CPAMD8: variants seen among roughly 807,000 people sequenced by gnomAD.
CPAMD8 encodes C3 and PZP-like alpha-2-macroglobulin domain-containing protein 8.
In CPAMD8, 146 loss-of-function variants were observed where a neutral mutation model predicts 224.7. The ratio of observed to expected loss-of-function variants is 0.65; its 90% CI spans 0.57 to 0.75. CPAMD8 has a LOEUF of 0.75. Among genes scored for constraint, CPAMD8 ranks in the 30% least tolerant of loss-of-function variants. The pLI, the probability that CPAMD8 is intolerant of heterozygous loss-of-function variation, is 0.00. For missense variants in CPAMD8, 2,301 were observed against 2,537.5 expected, an observed-to-expected ratio of 0.91 and a Z score of 2.00; for synonymous variants, 966 against 1,044.6, an observed-to-expected ratio of 0.92 and a Z score of 1.45.
At chr19:16,958,190 A>C (rs2054535231) in intron 18 of CPAMD8, among the ~76,000 whole-genome samples, 2 of 152,156 alleles carry the variant, frequency 1.3e-5, no homozygotes, top group Non-Finnish European at 2.9e-5. Context: ...AATGTGTGTC[A>C]TGGGGGTTTG....
At chr19:16,896,074 G>T in intron 41 of CPAMD8, 102 bp downstream of exon 41, 3 of 1,334,124 alleles carry the variant, frequency 2.2e-6, no homozygotes, top group Non-Finnish European at 3.2e-6. Context: ...TCGGGGCGGG[G>T]CGGAGGAGTC....
At chr19:16,949,152 C>T (rs1194383288) in intron 20 of CPAMD8, among the ~76,000 whole-genome samples, 2 of 151,998 alleles carry the variant, frequency 1.3e-5, no homozygotes, top group South Asian at 2.1e-4. Context: ...AAATGACCAG[C>T]GCTCCCCACT....
intron 13 of CPAMD8, among the ~76,000 whole-genome samples, chr19:16,983,392 C>G (rs1435146662): frequency 7.1e-6 from 1 of 140,446 alleles, no homozygotes; most frequent in East Asian, 2.0e-4. Flanking sequence ...GAGTGAGACT[C>G]CATCTCAAAA....
rs2053522691 is a variant in CPAMD8, at chr19:16,930,758, G to A, written c.2846-1518C>T. ...GTTCCAGAGAGGGGGCTAAGGCTGGGTCTCACACACCCTTGAGCCCTAAGC... is the reference window on the plus strand; with the variant it reads ...GTTCCAGAGAGGGGGCTAAGGCTGGATCTCACACACCCTTGAGCCCTAAGC... On this transcript the variant is annotated intron_variant, in intron 23 of 41. Transcript: ENST00000443236. Among the ~76,000 whole-genome samples, 3 of 152,114 alleles carry A rather than the reference G, an allele frequency of 2.0e-5. No individual in the cohort carries two copies. The South Asian group carries it at 6.2e-4, about 32-fold the overall frequency.
At chr19:16,909,744 CA>C (rs35170485) in intron 29 of CPAMD8, among the ~76,000 whole-genome samples, 35 of 148,742 alleles carry the variant, frequency 2.4e-4, no homozygotes, top group East Asian at 4.0e-4. Flanking sequence ...AACTTCGTCT[CA>C]AAAAAAAAAA....
chr19:17,007,025 A>C (rs1366032677), intron 7 of CPAMD8, among the ~76,000 whole-genome samples: 1 of 152,180 alleles, frequency 6.6e-6, no homozygotes, highest in Non-Finnish European at 1.5e-5. Context: ...CAGACAGGGA[A>C]GATGGAACAG....
chr19:16,967,156 G>A (rs935600643), intron 18 of CPAMD8, among the ~76,000 whole-genome samples: 8 of 152,074 alleles, frequency 5.3e-5, no homozygotes, highest in Non-Finnish European at 7.4e-5. Context: ...ATACTATGCA[G>A]CCATAAAAAA....
In CPAMD8 at chr19:16,993,473, T is replaced by G. The variant is rs2056025218; in HGVS notation, c.1209A>C (p.Gly403=). 1.2e-6 allele frequency: 2 copies of G among 1,614,004 alleles called. No homozygotes were observed. Among genetic ancestry groups the G allele is most frequent in the Non-Finnish European group, 8.5e-7 (1 of 1,179,912 alleles). The change falls in exon 12 of 42, where the codon GGA becomes GGC. Residue 403 remains glycine (G), a synonymous_variant. Transcript: ENST00000443236. ...IYTSEVVSQR[G]LVGFEIPSIP... is the part of the protein sequence containing the mutation. The stretch of plus-strand genomic sequence containing the variant: ...TGGAGGGGATTTCAAACCCCACTAG[T>G]CCACGCTGGGACACAACTTCACTGG...
intron 23 of CPAMD8, among the ~76,000 whole-genome samples, chr19:16,936,985 CTCCTTCCT>C (rs201574366): frequency 6.6e-6 from 1 of 150,808 alleles, no homozygotes; most frequent in African/African-American, 2.4e-5. Context: ...TCTTTTCTTT[CTCCTTCCT>C]TCCTTCCTTC....
At chr19:16,963,089 T>G (rs933844658) in intron 18 of CPAMD8, among the ~76,000 whole-genome samples, 2 of 152,192 alleles carry the variant, frequency 1.3e-5, no homozygotes, top group African/African-American at 4.8e-5. Flanking sequence ...TGCAAAAATA[T>G]GCCAGATTGT....
At chr19:17,014,679 G>C (rs1200419280) in intron 3 of CPAMD8, among the ~76,000 whole-genome samples, 1 of 152,146 alleles carries the variant, frequency 6.6e-6, no homozygotes, top group Non-Finnish European at 1.5e-5. Context: ...GCTCTTGTGA[G>C]ACTTATTCAT....
At chr19:16,943,004 CTTT>C (rs1324758997) in intron 22 of CPAMD8, among the ~76,000 whole-genome samples, 2 of 134,226 alleles carry the variant, frequency 1.5e-5, no homozygotes. Flanking sequence ...TTTCTTTTTT[CTTT>C]TTTCTTTTTT....
rs187889376 is a variant in CPAMD8, at chr19:17,024,663, C to T, written c.92+1888G>A. On this transcript the variant is annotated intron_variant, in intron 1 of 41. Coordinates refer to ENST00000443236, the MANE Select transcript of CPAMD8 (RefSeq NM_015692.5). ...GACATCACCAAATTAAGTTTCCCTG[C>T]CATTCAGAAGTTGCAGCTGTTTCCA... Among the ~76,000 whole-genome samples the T allele has an allele frequency of 3.7e-4, 57 of 152,316 alleles. No individual in the cohort carries two copies. In the East Asian group the frequency reaches 0.011, roughly 29 times the overall value.
At chr19:16,893,809 G>A (rs572854044) in intron 41 of CPAMD8, 35 of 161,178 alleles carry the variant, frequency 2.2e-4, no homozygotes, top group Non-Finnish European at 4.0e-4. Context: ...CTGCTTCCCC[G>A]CAGGGCCTTG....
At chr19:16,953,075 G>A (rs778627624) in intron 19 of CPAMD8, among the ~76,000 whole-genome samples, 5 of 152,102 alleles carry the variant, frequency 3.3e-5, no homozygotes, top group Non-Finnish European at 7.4e-5. Flanking sequence ...TGACGACACA[G>A]ATAAATGATT....
chr19:16,922,199 G>A (rs1264190473), intron 26 of CPAMD8, among the ~76,000 whole-genome samples: 4 of 152,018 alleles, frequency 2.6e-5, no homozygotes, highest in Non-Finnish European at 5.9e-5. Context: ...ACCACATGTG[G>A]GGTTCTTGAA....
chr19:16,929,542 C>T (rs181959456), intron 23 of CPAMD8, among the ~76,000 whole-genome samples: 1 of 152,190 alleles, frequency 6.6e-6, no homozygotes, highest in Non-Finnish European at 1.5e-5. Flanking sequence ...CTTATCTCTA[C>T]AAAAATGTTT....
intron 32 of CPAMD8, 107 bp downstream of exon 32, chr19:16,904,119 G>T: frequency 1.6e-6 from 2 of 1,251,454 alleles, no homozygotes; most frequent in Non-Finnish European, 2.2e-6. Context: ...GGCTCCATAA[G>T]GTGAGAAGGG....
intron 21 of CPAMD8, 108 bp from the exon 22 acceptor site, chr19:16,945,787 G>T: frequency 2.1e-6 from 2 of 947,364 alleles, no homozygotes; most frequent in Non-Finnish European, 3.4e-6. Flanking sequence ...ATGTGTGTGT[G>T]TGTGCATGTG....
Sources: gnomAD v4.1 joint callset for allele counts (sites outside exome capture counted in the v4.1 genomes callset) on GRCh38, gnomAD v4.1.1 for gene constraint, MANE v1.5 for transcripts, NCBI Gene and HGNC (gene_info 2026-07-23, HGNC 2026-07-21) for gene names.